The following GPHN variants were observed in gnomAD, a reference collection of about 807,000 sequenced individuals.
The protein encoded by GPHN is gephyrin.
A neutral mutation model predicts 95.5 loss-of-function variants in GPHN; 17 were observed. The ratio of observed to expected loss-of-function variants is 0.18; its 90% confidence interval spans 0.12 to 0.27. The LOEUF (loss-of-function observed/expected upper bound fraction) is 0.27. Ranked by LOEUF, GPHN falls within the 10% of genes least tolerant of loss-of-function variation. The pLI is 1.00. For synonymous variants in GPHN, 320 were observed against 322.5 expected (o/e 0.99, Z 0.08); for missense variants, 660 against 978.1 (o/e 0.67, Z 4.34).
the GPHN span, among the ~76,000 whole-genome samples, chr14:67,237,668 AT>A: frequency 1.3e-5 from 2 of 152,170 alleles, no homozygotes; most frequent in Non-Finnish European, 2.9e-5. Flanking sequence ...TTACATAAAC[AT>A]TTAATAAGGG....
the GPHN span, chr14:67,390,838 C>A: frequency 4.6e-6 from 4 of 865,292 alleles, no homozygotes; most frequent in South Asian, 5.3e-5. Flanking sequence ...CCCCAACAAG[C>A]CAGCCCGCTC....
At chr14:67,096,186 C>T (rs1595114396) in intron 12 of GPHN, among the ~76,000 whole-genome samples, 1 of 152,096 alleles carries the variant, frequency 6.6e-6, no homozygotes, top group South Asian at 2.1e-4. Context: ...GACACATTTA[C>T]CAACTGGAAA....
chr14:66,988,229 TTAA>T (rs1418045858), intron 9 of GPHN, among the ~76,000 whole-genome samples: 1 of 152,110 alleles, frequency 6.6e-6, no homozygotes, highest in East Asian at 1.9e-4. Context: ...TGCTGTTGAC[TTAA>T]TAATATTTTG....
chr14:66,627,225 G>T (rs895200707), intron 1 of GPHN, among the ~76,000 whole-genome samples: 7 of 151,898 alleles, frequency 4.6e-5, no homozygotes, highest in African/African-American at 1.7e-4. Context: ...TCTCTTCCCA[G>T]TAGTAACCCT....
chr14:67,290,966 A>G, the GPHN span, among the ~76,000 whole-genome samples: 1 of 152,248 alleles, frequency 6.6e-6, no homozygotes, highest in Non-Finnish European at 1.5e-5. Flanking sequence ...AATAAAGTAG[A>G]AATTATAAAA....
At chr14:66,641,258 T>C (rs1226597427) in intron 1 of GPHN, among the ~76,000 whole-genome samples, 1 of 152,226 alleles carries the variant, frequency 6.6e-6, no homozygotes, top group Non-Finnish European at 1.5e-5. Flanking sequence ...GCTAGTGATA[T>C]GTAATAGAAT....
At chr14:67,711,984 A>T in the GPHN span, among the ~76,000 whole-genome samples, 122 of 152,182 alleles carry the variant, frequency 8.0e-4, no homozygotes, top group Admixed American at 7.8e-3. Context: ...CAATGGTGCG[A>T]TCTAGGCTCA....
chr14:67,420,973 A>G, the GPHN span, among the ~76,000 whole-genome samples: 113 of 152,348 alleles, frequency 7.4e-4, 1 homozygote, highest in African/African-American at 2.6e-3. Flanking sequence ...ATTTCTATCA[A>G]GCTCTGAGAT....
chr14:66,607,069 C>A lies in GPHN; in HGVS notation c.65-74038C>A, dbSNP rs145957924. Among the ~76,000 whole-genome samples the A allele has an allele frequency of 3.0e-3, 453 of 152,094 alleles. 3 individuals are homozygous for A. Among genetic ancestry groups the A allele is most frequent in the African/African-American group, 0.01 (435 of 41,486 alleles). The stretch of plus-strand genomic sequence containing the variant: ...TTTTGCCCATTCAGTATGATGTTGG[C>A]TGTGGGTTTTTCATTGTGAGAATGA... On this transcript the variant is annotated intron_variant, in intron 1 of 22. Transcript: ENST00000478722.
chr14:67,298,081 T>A, the GPHN span, among the ~76,000 whole-genome samples: 3 of 152,070 alleles, frequency 2.0e-5, no homozygotes, highest in Admixed American at 6.6e-5. Flanking sequence ...TGCCAGGAGA[T>A]AGGGCTGGAA....
intron 2 of GPHN, among the ~76,000 whole-genome samples, chr14:66,705,764 G>T (rs923685771): frequency 6.6e-6 from 1 of 152,176 alleles, no homozygotes; most frequent in African/African-American, 2.4e-5. Flanking sequence ...ACAAGACAAG[G>T]ATGCCCTATC....
intron 1 of GPHN, among the ~76,000 whole-genome samples, chr14:66,616,000 G>T (rs961935795): frequency 1.3e-5 from 2 of 151,826 alleles, no homozygotes; most frequent in African/African-American, 4.8e-5. Context: ...GCTTGTTTTT[G>T]TCAGGTTTGT....
the GPHN span, chr14:67,573,927 G>C: frequency 6.8e-7 from 1 of 1,466,042 alleles, no homozygotes; most frequent in African/African-American, 1.4e-5. This position sits in a 1 kb window ranked among gnomAD's most constrained non-coding sequence, Gnocchi z 4.8. Context: ...AAACAGAAGA[G>C]GTGCTGGGTT....
chr14:67,371,422 C>CA, the GPHN span, among the ~76,000 whole-genome samples: 348 of 129,642 alleles, frequency 2.7e-3, no homozygotes, highest in Non-Finnish European at 2.3e-3. Flanking sequence ...TGTCTCCCAC[C>CA]AAAAAAAAAA....
chr14:66,691,899 A>T (rs1376654394), intron 2 of GPHN, among the ~76,000 whole-genome samples: 2 of 152,218 alleles, frequency 1.3e-5, no homozygotes, highest in Non-Finnish European at 2.9e-5. Context: ...AAAACTATCC[A>T]GTACTTTGGT....
At chr14:67,036,540 C>CACACAG (rs946760546) in intron 10 of GPHN, among the ~76,000 whole-genome samples, 12 of 148,222 alleles carry the variant, frequency 8.1e-5, no homozygotes, top group African/African-American at 2.5e-4. Context: ...CACACACACA[C>CACACAG]AGAGAAACAC....
intron 3 of GPHN, among the ~76,000 whole-genome samples, chr14:66,794,557 A>G (rs1177936777): frequency 2.6e-5 from 4 of 152,250 alleles, no homozygotes; most frequent in Admixed American, 2.6e-4. Flanking sequence ...AAAATTCTTT[A>G]TCAGTTTGCA....
intron 16 of GPHN, among the ~76,000 whole-genome samples, chr14:67,117,798 C>CA (rs569548599): frequency 1.3e-5 from 2 of 152,008 alleles, no homozygotes; most frequent in East Asian, 1.9e-4. Flanking sequence ...GGGAGTTCAG[C>CA]AAAAAAACGA....
rs2059909645 is a variant in GPHN at position 66,553,775 on chromosome 14, CCT to C, written c.64+45185_64+45186del. ...TAGTTTTAGTAGAGACGGGGTTTCA[CCT>C]TGTTGGCCAGGATGGTCTCCATCTC... On this transcript the variant is annotated intron_variant, in intron 1 of 22. Coordinates refer to ENST00000478722, the MANE Select transcript of GPHN (RefSeq NM_020806.5). Among the ~76,000 whole-genome samples, 6 of 152,132 alleles carry C rather than the reference CCT, an allele frequency of 3.9e-5. No individual in the cohort carries two copies. In the South Asian group the frequency reaches 1.2e-3, roughly 32 times the overall value.
Sources: allele counts gnomAD v4.1 joint callset (sites outside exome capture counted in the v4.1 genomes callset), GRCh38; gene constraint gnomAD v4.1.1; non-coding constraint Gnocchi (gnomAD v3.1); transcripts MANE v1.5; gene names NCBI Gene and HGNC (gene_info 2026-07-23, HGNC 2026-07-21).